The following COMMD10 variants were observed in gnomAD, a reference collection of about 807,000 sequenced individuals.
COMMD10 encodes the protein COMM domain containing 10, also known as COMM domain-containing protein 10.
COMMD10 carries 33 observed loss-of-function variants against 28.9 expected under a neutral mutation model. The observed-to-expected ratio is 1.14, with a 90% CI of 0.87 to 1.53. The LOEUF is 1.53. Ranked by LOEUF, COMMD10 falls within the 40% of genes most tolerant of loss-of-function variation. The pLI is 0.00. For missense variants in COMMD10, 310 were observed against 233.4 expected (o/e 1.33, Z -2.14); for synonymous variants, 110 against 81.7 (o/e 1.35, Z -1.87).
At chr5:116,219,883 C>G (rs1460934516) in intron 5 of COMMD10, among the ~76,000 whole-genome samples, 1 of 151,768 alleles carries the variant, frequency 6.6e-6, no homozygotes, top group African/African-American at 2.4e-5. Flanking sequence ...TGTAAACTGC[C>G]TCTTTCTGGT....
chr5:116,227,046 C>G (rs563740822), intron 5 of COMMD10, among the ~76,000 whole-genome samples: 7 of 152,142 alleles, frequency 4.6e-5, no homozygotes, highest in East Asian at 3.9e-4. Flanking sequence ...TCACTCTCCC[C>G]CTCTTTTGCC....
In COMMD10 at chr5:116,141,678, G is replaced by C. The variant is rs567570718; in HGVS notation, c.510+7500G>C. ...TTTTTGCTCTCCTAGCAATGGTATAGTAGCGGGGGGCTGGGAAGAGGGGTG... is the reference window on the plus strand; with the variant it reads ...TTTTTGCTCTCCTAGCAATGGTATACTAGCGGGGGGCTGGGAAGAGGGGTG... On this transcript the variant is annotated intron_variant, in intron 5 of 6. Coordinates refer to ENST00000274458, the MANE Select transcript of COMMD10 (RefSeq NM_016144.4). 2.6e-5 allele frequency among the ~76,000 whole-genome samples: 4 copies of C among 151,888 alleles called. No individual in the cohort carries two copies. The South Asian group carries it at 8.3e-4, about 31-fold the overall frequency.
At chr5:116,257,766 T>G (rs1750330553) in intron 5 of COMMD10, among the ~76,000 whole-genome samples, 1 of 151,830 alleles carries the variant, frequency 6.6e-6, no homozygotes, top group Non-Finnish European at 1.5e-5. Context: ...CAGATGAATT[T>G]TAATTGAAAC....
chr5:116,280,785 A>G (rs1751047770), intron 5 of COMMD10, among the ~76,000 whole-genome samples: 1 of 151,842 alleles, frequency 6.6e-6, no homozygotes, highest in Admixed American at 6.6e-5. Context: ...AGATATTGGA[A>G]TATGTTTACA....
At chr5:116,174,426 G>A (rs1753436130) in intron 5 of COMMD10, among the ~76,000 whole-genome samples, 1 of 152,136 alleles carries the variant, frequency 6.6e-6, no homozygotes. Flanking sequence ...AGGATGTTGA[G>A]CAGAAACATA....
intron 5 of COMMD10, among the ~76,000 whole-genome samples, chr5:116,263,283 A>G (rs1410159205): frequency 6.6e-6 from 1 of 151,834 alleles, no homozygotes; most frequent in Non-Finnish European, 1.5e-5. Flanking sequence ...CTAGAGAGTC[A>G]TGCCCTACAA....
chr5:116,259,254 G>T (rs760128624), intron 5 of COMMD10, among the ~76,000 whole-genome samples: 12 of 150,812 alleles, frequency 8.0e-5, no homozygotes, highest in Non-Finnish European at 1.6e-4. Context: ...GTACAGACAG[G>T]ATCTCACCAT....
chr5:116,162,579 TTC>T (rs1369055902), intron 5 of COMMD10, among the ~76,000 whole-genome samples: 1 of 152,216 alleles, frequency 6.6e-6, no homozygotes, highest in African/African-American at 2.4e-5. Context: ...TAAATAGATT[TTC>T]TCTTTTTATC....
rs372835943 is a variant in COMMD10, at chr5:116,089,215, A to C, written c.132+1628A>C. Among the ~76,000 whole-genome samples, 14 of 152,286 alleles carry C rather than the reference A, an allele frequency of 9.2e-5. No individual in the cohort carries two copies. The East Asian group carries it at 1.9e-3, about 21-fold the overall frequency. On this transcript the variant is annotated intron_variant, in intron 2 of 6. Coordinates refer to ENST00000274458, the MANE Select transcript of COMMD10 (RefSeq NM_016144.4). ...TCATCTAATCCGTATGGCAACTTGA[A>C]AACATAGGTACTGTGGTCATCTCTG...
intron 5 of COMMD10, among the ~76,000 whole-genome samples, chr5:116,162,565 T>C (rs1752951282): frequency 6.6e-6 from 1 of 152,200 alleles, no homozygotes; most frequent in African/African-American, 2.4e-5. Context: ...TCTATATATG[T>C]ACATAAATAG....
intron 5 of COMMD10, among the ~76,000 whole-genome samples, chr5:116,265,018 A>G (rs1339454895): frequency 1.3e-5 from 2 of 151,780 alleles, no homozygotes; most frequent in Non-Finnish European, 2.9e-5. Context: ...TTATGGCTTA[A>G]TCTCTGGATT....
chr5:116,281,204 G>T (rs1751058874), intron 5 of COMMD10, among the ~76,000 whole-genome samples: 1 of 151,684 alleles, frequency 6.6e-6, no homozygotes, highest in Admixed American at 6.6e-5. Flanking sequence ...ATGCATTTCT[G>T]TCTTGAAAAA....
At chr5:116,161,923 G>C (rs958269326) in intron 5 of COMMD10, among the ~76,000 whole-genome samples, 14 of 152,154 alleles carry the variant, frequency 9.2e-5, no homozygotes, top group African/African-American at 3.1e-4. Context: ...ATCATCTTCT[G>C]AAAATATGCT....
chr5:116,219,907 A>G (rs1192639524), intron 5 of COMMD10, among the ~76,000 whole-genome samples: 2 of 152,104 alleles, frequency 1.3e-5, no homozygotes, highest in Non-Finnish European at 2.9e-5. Flanking sequence ...TTTTTCAAAC[A>G]CTGATGGATT....
At chr5:116,281,065 A>G (rs926045061) in intron 5 of COMMD10, among the ~76,000 whole-genome samples, 1 of 151,878 alleles carries the variant, frequency 6.6e-6, no homozygotes, top group Admixed American at 6.6e-5. Context: ...AGATAATTGC[A>G]TCATTTCTAA....
At chr5:116,153,333 A>G (rs1543952) in intron 5 of COMMD10, among the ~76,000 whole-genome samples, 49,138 of 151,758 alleles carry the variant, frequency 0.32, 11,213 homozygotes, top group African/African-American at 0.65. Context: ...GGGGCATCTG[A>G]TTTCTTCATA....
chr5:116,215,693 GAAATAT>G (rs1360344533), intron 5 of COMMD10, among the ~76,000 whole-genome samples: 1 of 55,728 alleles, frequency 1.8e-5, no homozygotes, highest in Non-Finnish European at 3.6e-5. Flanking sequence ...GCTAAAAAAA[GAAATAT>G]ATATATATAT....
intron 5 of COMMD10, among the ~76,000 whole-genome samples, chr5:116,217,160 A>AT (rs1396780054): frequency 6.6e-6 from 1 of 151,736 alleles, no homozygotes; most frequent in Admixed American, 6.6e-5. Context: ...GAAAAAAAAA[A>AT]GTCCCCGCAA....
chr5:116,228,104 T>G (rs552237769), intron 5 of COMMD10, among the ~76,000 whole-genome samples: 2 of 152,194 alleles, frequency 1.3e-5, no homozygotes, highest in East Asian at 3.9e-4. Context: ...ACTATGATTC[T>G]TAAGGTATTC....
Sources: gnomAD v4.1 joint callset for allele counts (sites outside exome capture counted in the v4.1 genomes callset) on GRCh38, gnomAD v4.1.1 for gene constraint, MANE v1.5 for transcripts, NCBI Gene and HGNC (gene_info 2026-07-23, HGNC 2026-07-21) for gene names.